Variants in FTCDNL1 observed in about 807,000 individuals in gnomAD.
FTCDNL1 encodes formiminotransferase N-terminal subdomain-containing protein.
Under a neutral mutation model 5.9 loss-of-function variants are expected in FTCDNL1, and 11 were observed. That is an observed-to-expected ratio of 1.87 (90% CI 1.18 to 3.10). The LOEUF (loss-of-function observed/expected upper bound fraction) is 3.10, where lower values mean the gene tolerates loss of function less well. Ranked by LOEUF, FTCDNL1 falls within the 30% of genes most tolerant of loss-of-function variation. The pLI, the probability that FTCDNL1 is intolerant of heterozygous loss-of-function variation, is 0.00. For missense variants in FTCDNL1, 115 were observed against 65.5 expected, an observed-to-expected ratio of 1.76 and a Z score of -2.61; for synonymous variants, 58 against 24.8, an observed-to-expected ratio of 2.34 and a Z score of -3.99.
At chr2:199,846,290 G>T in intron 2 of FTCDNL1, 120 bp from the exon 3 acceptor site, 1 of 574,880 alleles carries the variant, frequency 1.7e-6, no homozygotes. Flanking sequence ...TGTGACTTTT[G>T]GAAGTGACAT....
the FTCDNL1 span, among the ~76,000 whole-genome samples, chr2:199,744,365 A>G: frequency 6.6e-6 from 1 of 152,098 alleles, no homozygotes; most frequent in Admixed American, 6.5e-5. Context: ...ATCTGATAGG[A>G]CTAGTGTTGT....
At chr2:199,796,877 T>C (rs1427245266) in intron 3 of FTCDNL1, among the ~76,000 whole-genome samples, 1 of 152,182 alleles carries the variant, frequency 6.6e-6, no homozygotes, top group Non-Finnish European at 1.5e-5. Context: ...CAAAGTAAAC[T>C]GTATTAAGTT....
chr2:199,799,557 G>A (rs1700340853), intron 3 of FTCDNL1, among the ~76,000 whole-genome samples: 1 of 152,214 alleles, frequency 6.6e-6, no homozygotes, highest in South Asian at 2.1e-4. Flanking sequence ...CCGAAGTGAA[G>A]AGTACAAGAG....
At chr2:199,741,343 T>C in the FTCDNL1 span, among the ~76,000 whole-genome samples, 1 of 152,140 alleles carries the variant, frequency 6.6e-6, no homozygotes, top group African/African-American at 2.4e-5. Context: ...AAAATACAAA[T>C]GCAAAACTGG....
intron 3 of FTCDNL1, among the ~76,000 whole-genome samples, chr2:199,840,596 T>A (rs2076557130): frequency 6.6e-6 from 1 of 152,114 alleles, no homozygotes; most frequent in Admixed American, 6.6e-5. Context: ...TACCAGTGTT[T>A]AAGTGTGATA....
At chr2:199,758,134 A>G (rs1263692656), downstream of FTCDNL1, among the ~76,000 whole-genome samples, 1 of 152,130 alleles carries the variant, frequency 6.6e-6, no homozygotes, top group African/African-American at 2.4e-5. Context: ...TGGAATTTTT[A>G]TGATCCTCAG....
chr2:199,683,253 T>C, the FTCDNL1 span, among the ~76,000 whole-genome samples: 1 of 152,136 alleles, frequency 6.6e-6, no homozygotes, highest in East Asian at 1.9e-4. Flanking sequence ...TTGGGATTAA[T>C]ATATTAAAAC....
At chr2:199,831,943 C>T (rs1279362544) in intron 3 of FTCDNL1, among the ~76,000 whole-genome samples, 2 of 152,084 alleles carry the variant, frequency 1.3e-5, no homozygotes, top group Non-Finnish European at 1.5e-5. Flanking sequence ...ATCTACTCTC[C>T]TCCCTATAAA....
Position 199,851,168 on chromosome 2 carries a change from G to T in FTCDNL1, c.-436C>A, listed in dbSNP as rs891819861. 4 of 145,436 alleles carry T rather than the reference G, an allele frequency of 2.8e-5. No individual in the cohort carries two copies. The highest frequency in any genetic ancestry group is 7.8e-5 in the African/African-American group (3 of 38,624). 9.0% of individuals were successfully genotyped at this position (145,436 alleles called of 1,614,324 possible). ...CAGCCTCCGCCGCCGCGCGTGGCCC[G>T]CGCGCAGCGTCTGCCGCCGGCTCCG... On this transcript the variant is annotated 5_prime_UTR_variant, in exon 1 of 5. Coordinates refer to ENST00000420128, the MANE Select transcript of FTCDNL1 (RefSeq NM_001363886.2).
chr2:199,673,056 A>G, the FTCDNL1 span, among the ~76,000 whole-genome samples: 1 of 152,134 alleles, frequency 6.6e-6, no homozygotes, highest in Non-Finnish European at 1.5e-5. Flanking sequence ...GGCTGGGCAC[A>G]GTGGCTCACA....
downstream of FTCDNL1, among the ~76,000 whole-genome samples, chr2:199,805,398 A>C (rs954025604): frequency 1.3e-5 from 2 of 152,056 alleles, no homozygotes; most frequent in Non-Finnish European, 2.9e-5. Flanking sequence ...TCAGTTTAAG[A>C]CCAGCCTGGG....
At chr2:199,796,485 C>T (rs1244136036) in intron 3 of FTCDNL1, among the ~76,000 whole-genome samples, 2 of 152,108 alleles carry the variant, frequency 1.3e-5, no homozygotes, top group Non-Finnish European at 2.9e-5. Context: ...AAATTGTATA[C>T]CACTTTAAAT....
intron 3 of FTCDNL1, among the ~76,000 whole-genome samples, chr2:199,792,473 C>T (rs1699980186): frequency 6.6e-6 from 1 of 152,214 alleles, no homozygotes; most frequent in South Asian, 2.1e-4. Context: ...TGGTACTATA[C>T]TTAGGGGGTT....
chr2:199,748,142 T>C, the FTCDNL1 span, among the ~76,000 whole-genome samples: 1 of 152,136 alleles, frequency 6.6e-6, no homozygotes, highest in East Asian at 1.9e-4. Flanking sequence ...TGAAAAAATA[T>C]AATAATTCAA....
At chr2:199,672,780 C>G in the FTCDNL1 span, among the ~76,000 whole-genome samples, 2 of 151,940 alleles carry the variant, frequency 1.3e-5, no homozygotes, top group African/African-American at 2.4e-5. Flanking sequence ...AGCCTGAGCC[C>G]CAAAAGGCAC....
intron 3 of FTCDNL1, among the ~76,000 whole-genome samples, chr2:199,795,724 A>G (rs867230815): frequency 1.3e-5 from 2 of 152,174 alleles, no homozygotes; most frequent in African/African-American, 4.8e-5. Flanking sequence ...CAAAACTCCT[A>G]ATGGATCTCA....
chr2:199,728,551 T>C, the FTCDNL1 span, among the ~76,000 whole-genome samples: 1 of 152,252 alleles, frequency 6.6e-6, no homozygotes, highest in East Asian at 1.9e-4. Flanking sequence ...CCCAGCCTGG[T>C]AACAATGTTT....
the FTCDNL1 span, among the ~76,000 whole-genome samples, chr2:199,705,017 T>A: frequency 6.6e-6 from 1 of 152,190 alleles, no homozygotes; most frequent in South Asian, 2.1e-4. Flanking sequence ...CCTGCTCAGA[T>A]ACATGTTTGC....
In FTCDNL1 at chr2:199,810,540, T is replaced by C. The variant is rs1288595835; in HGVS notation, c.*2165A>G. On this transcript the variant is annotated 3_prime_UTR_variant, in exon 5 of 5. Coordinates refer to ENST00000420128, the MANE Select transcript of FTCDNL1 (RefSeq NM_001363886.2). ...GCTATACAAGAGGCTGAGATGGCCA[T>C]TGACACTCTAGAGCCCTGTTACTCT... is the stretch of plus-strand genomic sequence containing the variant. 6.6e-6 allele frequency among the ~76,000 whole-genome samples: 1 copy of C among 152,310 alleles called. No homozygotes were observed. Among genetic ancestry groups the C allele is most frequent in the Middle Eastern group, 3.4e-3 (1 of 294 alleles).
Sources: allele counts gnomAD v4.1 joint callset (sites outside exome capture counted in the v4.1 genomes callset), GRCh38; gene constraint gnomAD v4.1.1; transcripts MANE v1.5; gene names NCBI Gene and HGNC (gene_info 2026-07-23, HGNC 2026-07-21).